The following ARHGEF26 variants were observed in gnomAD, a reference collection of about 807,000 sequenced individuals.
ARHGEF26 encodes Rho guanine nucleotide exchange factor 26.
In ARHGEF26, 59 loss-of-function variants were observed where a neutral mutation model predicts 89.4. That is an observed-to-expected ratio of 0.66 (90% confidence interval 0.54 to 0.82). The LOEUF is 0.82. Ranked by LOEUF, ARHGEF26 falls within the 40% of genes least tolerant of loss-of-function variation. The pLI is 0.00. For synonymous variants in ARHGEF26, 500 were observed against 428.4 expected, an observed-to-expected ratio of 1.17 and a Z score of -2.06; for missense variants, 1,234 against 1,085.6, an observed-to-expected ratio of 1.14 and a Z score of -1.92.
At chr3:154,210,794 T>TA (rs1715315217) in intron 9 of ARHGEF26, among the ~76,000 whole-genome samples, 1 of 151,304 alleles carries the variant, frequency 6.6e-6, no homozygotes, top group Non-Finnish European at 1.5e-5. Context: ...ATACAAAAAA[T>TA]TAGCTGGTTG....
intron 9 of ARHGEF26, among the ~76,000 whole-genome samples, chr3:154,199,227 A>T (rs974364349): frequency 6.6e-6 from 1 of 151,592 alleles, no homozygotes; most frequent in African/African-American, 2.4e-5. Context: ...TACCCTTCCT[A>T]GCCTCTGGTA....
At chr3:154,250,238 A>G (rs1272811048) in intron 12 of ARHGEF26, among the ~76,000 whole-genome samples, 2 of 152,170 alleles carry the variant, frequency 1.3e-5, no homozygotes, top group Non-Finnish European at 2.9e-5. Flanking sequence ...CATGTTGGTC[A>G]GGCTGGTCTC....
chr3:154,240,345 G>C, intron 11 of ARHGEF26, 25 bp from the exon 12 acceptor site: 4 of 1,544,162 alleles, frequency 2.6e-6, no homozygotes, highest in South Asian at 1.2e-5. Flanking sequence ...AATAATTGAC[G>C]TGTTCTTTTC....
At chr3:154,130,554 A>C (rs1718626624) in intron 4 of ARHGEF26, among the ~76,000 whole-genome samples, 2 of 152,256 alleles carry the variant, frequency 1.3e-5, no homozygotes, top group South Asian at 4.1e-4. Flanking sequence ...TCTGACACTT[A>C]ATTTTGTGTT....
intron 6 of ARHGEF26, among the ~76,000 whole-genome samples, chr3:154,157,248 C>T (rs1720390497): frequency 3.3e-5 from 5 of 152,118 alleles, no homozygotes; most frequent in Admixed American, 2.6e-4. Flanking sequence ...CAGCTGGTGG[C>T]ATCTCCCCAG....
At position 154,122,570 on chromosome 3, in the gene ARHGEF26, G is replaced by A. The variant is rs1368052860; in HGVS notation, c.578G>A (p.Arg193Gln). ...DSPGSGSQSGRKAKDPERGLF... is the reference protein window; with the variant it reads ...DSPGSGSQSGQKAKDPERGLF... ...CCTGGGTCAGGTTCGCAGTCCGGCC[G>A]GAAGGCAAAGGACCCCGAACGGGGG... Residue 193 changes from arginine (R) to glutamine (Q), a missense_variant, in exon 2 of 15, where the codon CGG becomes CAG. Transcript: ENST00000465093. 4 of 1,613,604 alleles carry A rather than the reference G, an allele frequency of 2.5e-6. No individual in the cohort carries two copies. Among genetic ancestry groups the A allele is most frequent in the African/African-American group, 2.7e-5 (2 of 75,052 alleles).
At chr3:154,209,017 T>G (rs1234369072) in intron 9 of ARHGEF26, among the ~76,000 whole-genome samples, 1 of 152,054 alleles carries the variant, frequency 6.6e-6, no homozygotes, top group Non-Finnish European at 1.5e-5. Context: ...TCTGCCCACC[T>G]CGGTCTCCCA....
At chr3:154,253,580 CCTT>C (rs564520168) in intron 13 of ARHGEF26, among the ~76,000 whole-genome samples, 86 of 152,144 alleles carry the variant, frequency 5.7e-4, no homozygotes, top group Non-Finnish European at 7.4e-4. Context: ...CATGTTTAAA[CCTT>C]CTACATACTG....
intron 12 of ARHGEF26, among the ~76,000 whole-genome samples, chr3:154,249,598 CTG>C (rs58463559): frequency 2.4e-3 from 362 of 152,218 alleles, no homozygotes; most frequent in African/African-American, 8.2e-3. Flanking sequence ...GTTTTCTGCT[CTG>C]TGTGTTCCCT....
intron 6 of ARHGEF26, among the ~76,000 whole-genome samples, chr3:154,172,542 A>T (rs371549344): frequency 1.1e-4 from 17 of 152,150 alleles, no homozygotes; most frequent in African/African-American, 3.9e-4. Flanking sequence ...AAAAATAAAA[A>T]AGTTAGCTGG....
At chr3:154,142,296 G>GGCA (rs1281860705) in intron 4 of ARHGEF26, among the ~76,000 whole-genome samples, 4 of 151,828 alleles carry the variant, frequency 2.6e-5, no homozygotes, top group Non-Finnish European at 5.9e-5. Flanking sequence ...TCGAACTCCT[G>GGCA]GCCTCAAGTG....
At chr3:154,179,218 A>G (rs1020646735) in intron 6 of ARHGEF26, among the ~76,000 whole-genome samples, 6 of 152,214 alleles carry the variant, frequency 3.9e-5, no homozygotes, top group Admixed American at 2.6e-4. Flanking sequence ...ACTGACAACA[A>G]CAAACCTGGC....
At chr3:154,224,034 G>A (rs1319298790) in intron 10 of ARHGEF26, among the ~76,000 whole-genome samples, 1 of 151,888 alleles carries the variant, frequency 6.6e-6, no homozygotes, top group Non-Finnish European at 1.5e-5. Context: ...TACTATTTAG[G>A]ATAGTATTTC....
intron 13 of ARHGEF26, among the ~76,000 whole-genome samples, 169 bp from the exon 14 acceptor site, chr3:154,254,551 C>G (rs1212747470): frequency 1.3e-5 from 2 of 152,150 alleles, no homozygotes; most frequent in East Asian, 3.8e-4. Context: ...AGCTTATAGC[C>G]AAGCAAGGGA....
chr3:154,191,485 T>A (rs1713956562), intron 8 of ARHGEF26, 67 bp downstream of exon 8: 1 of 1,530,190 alleles, frequency 6.5e-7, no homozygotes, highest in African/African-American at 1.4e-5. Context: ...TTTAGAAAAT[T>A]ATTATTATTC....
chr3:154,246,611 C>G (rs1334378466), intron 12 of ARHGEF26, among the ~76,000 whole-genome samples: 1 of 152,172 alleles, frequency 6.6e-6, no homozygotes. Context: ...TTTAGAACCA[C>G]ATAAGCCATA....
At chr3:154,144,288 G>A (rs1559858935) in intron 4 of ARHGEF26, among the ~76,000 whole-genome samples, 1 of 152,150 alleles carries the variant, frequency 6.6e-6, no homozygotes, top group Non-Finnish European at 1.5e-5. Flanking sequence ...TTATTAGGGT[G>A]AATGACTTAA....
At chr3:154,160,296 A>T (rs1173440111) in intron 6 of ARHGEF26, among the ~76,000 whole-genome samples, 1 of 152,170 alleles carries the variant, frequency 6.6e-6, no homozygotes, top group Non-Finnish European at 1.5e-5. Context: ...AGAAATAGGT[A>T]GTTGTTTAGG....
intron 9 of ARHGEF26, among the ~76,000 whole-genome samples, chr3:154,211,020 A>C (rs1715330523): frequency 6.6e-6 from 1 of 151,682 alleles, no homozygotes; most frequent in African/African-American, 2.4e-5. Context: ...ACCCTCTCCC[A>C]CTGTGGCTGA....
Sources: allele counts gnomAD v4.1 joint callset (sites outside exome capture counted in the v4.1 genomes callset), GRCh38; gene constraint gnomAD v4.1.1; transcripts MANE v1.5; gene names NCBI Gene and HGNC (gene_info 2026-07-23, HGNC 2026-07-21).